Variants in CNTLN observed in about 807,000 individuals in gnomAD.
The protein encoded by CNTLN is centlein, centrosomal protein.
CNTLN carries 212 observed loss-of-function variants against 180.0 expected under a neutral mutation model. The observed-to-expected ratio is 1.18, with a 90% CI of 1.05 to 1.32. The LOEUF (loss-of-function observed/expected upper bound fraction) is 1.32. Ranked by LOEUF, CNTLN falls within the 40% of genes most tolerant of loss-of-function variation. CNTLN has a pLI of 0.00. For missense variants in CNTLN, 2,095 were observed against 1,610.9 expected, an observed-to-expected ratio of 1.30 and a Z score of -5.14; for synonymous variants, 722 against 563.1, an observed-to-expected ratio of 1.28 and a Z score of -3.99.
At chr9:17,404,126 A>C (rs910710619) in intron 15 of CNTLN, among the ~76,000 whole-genome samples, 2 of 151,750 alleles carry the variant, frequency 1.3e-5, no homozygotes, top group East Asian at 3.9e-4. Flanking sequence ...TGTGTCTTCA[A>C]ATTCACTGGT....
rs934122406 is a variant in CNTLN, at chr9:17,175,041, G to T, written c.449+31665G>T. Among the ~76,000 whole-genome samples the T allele has an allele frequency of 5.3e-5, 8 of 152,042 alleles. No individual in the cohort carries two copies. In the East Asian group the frequency reaches 1.4e-3, roughly 26 times the overall value. ...AAGTTCTTTTCATATCCCAGATACTGGTCTTTTGTCAACTATGTGGTTTGC... is the reference window on the plus strand; with the variant it reads ...AAGTTCTTTTCATATCCCAGATACTTGTCTTTTGTCAACTATGTGGTTTGC... On this transcript the variant is annotated intron_variant, in intron 2 of 25. Transcript: ENST00000380647.
At chr9:17,505,243 A>C (rs1241126359), downstream of CNTLN, among the ~76,000 whole-genome samples, 1 of 152,102 alleles carries the variant, frequency 6.6e-6, no homozygotes, top group African/African-American at 2.4e-5. Flanking sequence ...AAGACCAAAC[A>C]CTTCCCCCTA....
At position 17,309,391 on chromosome 9, in the gene CNTLN, T is replaced by TACA. The variant is rs146015041; in HGVS notation, c.1341+139_1341+140insACA. On this transcript the variant is annotated intron_variant, in intron 8 of 25. Transcript: ENST00000380647. ...GTGTGCAGATTGTTTTGCATTATACTGTTTTTATACTGTTTGTAGGCATGA... is the reference window on the plus strand; with the variant it reads ...GTGTGCAGATTGTTTTGCATTATACTACAGTTTTTATACTGTTTGTAGGCATGA... The TACA allele has an allele frequency of 5.7e-3, 3,525 of 619,358 alleles. 45 individuals are homozygous for TACA. The highest frequency in any genetic ancestry group is 0.041 in the East Asian group (1,439 of 35,190). 38.4% of individuals were successfully genotyped at this position (619,358 alleles called of 1,614,324 possible).
intron 13 of CNTLN, among the ~76,000 whole-genome samples, chr9:17,380,988 C>CCTCCACACTGTA (rs1825203741): frequency 6.6e-6 from 1 of 152,132 alleles, no homozygotes; most frequent in African/African-American, 2.4e-5. Context: ...GGCACACTGT[C>CCTCCACACTGTA]ACCTCCACCC....
chr9:17,392,804 A>G (rs972152896), intron 14 of CNTLN, among the ~76,000 whole-genome samples: 2 of 152,180 alleles, frequency 1.3e-5, no homozygotes, highest in Non-Finnish European at 2.9e-5. Flanking sequence ...ACATTAAAAA[A>G]AAAAGGGTAA....
chr9:17,445,751 A>T (rs1012347220), intron 18 of CNTLN, among the ~76,000 whole-genome samples: 2 of 152,058 alleles, frequency 1.3e-5, no homozygotes, highest in African/African-American at 4.8e-5. Flanking sequence ...GAAGGGAAAG[A>T]CCTGACCATC....
chr9:17,196,015 T>A (rs983686330), intron 2 of CNTLN, among the ~76,000 whole-genome samples: 1 of 151,636 alleles, frequency 6.6e-6, no homozygotes, highest in South Asian at 2.1e-4. Flanking sequence ...TAGATCAGAG[T>A]TTTTTATTAT....
At position 17,255,898 on chromosome 9, in the gene CNTLN, T is replaced by C. The variant is rs145649601; in HGVS notation, c.850-17835T>C. 3.2e-3 allele frequency among the ~76,000 whole-genome samples: 490 copies of C among 152,050 alleles called. 3 individuals carry two copies. Among genetic ancestry groups the C allele is most frequent in the Middle Eastern group, 6.8e-3 (2 of 294 alleles). On this transcript the variant is annotated intron_variant, in intron 5 of 25. Transcript: ENST00000380647. ...AGTTTTCATAAGTGTGTTTCTAGGA[T>C]TGTATATACTTCCTTTGGATTATCC...
At chr9:17,400,190 T>C (rs576931888) in intron 15 of CNTLN, among the ~76,000 whole-genome samples, 1 of 152,266 alleles carries the variant, frequency 6.6e-6, no homozygotes, top group East Asian at 1.9e-4. Flanking sequence ...CAGGCTGGAG[T>C]GCAATGGCGT....
At chr9:17,242,703 A>G (rs181927405) in intron 5 of CNTLN, among the ~76,000 whole-genome samples, 289 of 152,306 alleles carry the variant, frequency 1.9e-3, no homozygotes, top group Middle Eastern at 6.8e-3. Flanking sequence ...CATCCCTAGG[A>G]TAAATTGCAC....
At chr9:17,326,896 T>C (rs1057327906) in intron 8 of CNTLN, among the ~76,000 whole-genome samples, 3 of 152,216 alleles carry the variant, frequency 2.0e-5, no homozygotes, top group South Asian at 2.1e-4. Context: ...CTAGGAGATA[T>C]AGGAACTAAA....
chr9:17,389,523 G>T (rs1825937840), intron 14 of CNTLN, among the ~76,000 whole-genome samples: 1 of 152,012 alleles, frequency 6.6e-6, no homozygotes, highest in Non-Finnish European at 1.5e-5. Context: ...TCCATTTTAA[G>T]ACCTGAACAA....
intron 10 of CNTLN, among the ~76,000 whole-genome samples, chr9:17,336,747 T>C (rs1240750127): frequency 6.6e-6 from 1 of 152,216 alleles, no homozygotes; most frequent in Non-Finnish European, 1.5e-5. Flanking sequence ...GGGATACATG[T>C]GCAGAATGTG....
At chr9:17,498,692 A>G (rs1340433365) in intron 25 of CNTLN, among the ~76,000 whole-genome samples, 1 of 152,190 alleles carries the variant, frequency 6.6e-6, no homozygotes, top group East Asian at 1.9e-4. Context: ...ATGCCCAGGA[A>G]TATCATTTCT....
intron 19 of CNTLN, among the ~76,000 whole-genome samples, chr9:17,460,912 G>A (rs1010332767): frequency 2.0e-5 from 3 of 151,646 alleles, no homozygotes; most frequent in Admixed American, 6.6e-5. Context: ...AGAAGTATGC[G>A]TATTAAGGGG....
In CNTLN at chr9:17,376,980, C is replaced by G. The variant is rs899981404; in HGVS notation, c.1987+10263C>G. 3.3e-5 allele frequency among the ~76,000 whole-genome samples: 5 copies of G among 152,130 alleles called. No homozygotes were observed. The East Asian group carries it at 9.6e-4, about 29-fold the overall frequency. On this transcript the variant is annotated intron_variant, in intron 13 of 25. Transcript: ENST00000380647. Reference sequence around the variant, plus strand: ...AAAAACAATTACAAAAAGAAATTAACACCTTGCTATGCAAGATGGAAAACC... The same window carrying G: ...AAAAACAATTACAAAAAGAAATTAAGACCTTGCTATGCAAGATGGAAAACC...
chr9:17,271,973 T>A (rs1474148307), intron 5 of CNTLN, among the ~76,000 whole-genome samples: 2 of 152,180 alleles, frequency 1.3e-5, no homozygotes, highest in African/African-American at 4.8e-5. Flanking sequence ...ATAGTCCTTT[T>A]GAATTGGTTC....
intron 23 of CNTLN, among the ~76,000 whole-genome samples, chr9:17,469,948 G>C (rs542082581): frequency 6.6e-6 from 1 of 151,944 alleles, no homozygotes; most frequent in African/African-American, 2.4e-5. Flanking sequence ...ATTTAAGTAA[G>C]TTACAATAGC....
At chr9:17,234,100 G>A (rs866026497) in intron 3 of CNTLN, among the ~76,000 whole-genome samples, 10 of 151,786 alleles carry the variant, frequency 6.6e-5, no homozygotes, top group South Asian at 2.1e-4. Flanking sequence ...TGTATTCAGC[G>A]TCTAAATTAT....
Sources: allele counts gnomAD v4.1 joint callset (sites outside exome capture counted in the v4.1 genomes callset), GRCh38; gene constraint gnomAD v4.1.1; transcripts MANE v1.5; gene names NCBI Gene and HGNC (gene_info 2026-07-23, HGNC 2026-07-21).